The following GCNT1 variants were observed in gnomAD, a reference collection of about 807,000 sequenced individuals.
GCNT1 encodes the protein glucosaminyl (N-acetyl) transferase 1.
Under a neutral mutation model 26.2 loss-of-function variants are expected in GCNT1, and 16 were observed. That is an observed-to-expected ratio of 0.61 (90% confidence interval 0.41 to 0.93). GCNT1 has a LOEUF of 0.93. Ranked by LOEUF, GCNT1 falls within the 40% of genes least tolerant of loss-of-function variation. The pLI, the probability that GCNT1 is intolerant of heterozygous loss-of-function variation, is 0.00. For synonymous variants in GCNT1, 183 were observed against 190.8 expected (o/e 0.96, Z 0.34); for missense variants, 477 against 526.7 (o/e 0.91, Z 0.92).
intron 2 of GCNT1, among the ~76,000 whole-genome samples, chr9:76,495,199 C>T (rs1304138892): frequency 6.6e-6 from 1 of 152,162 alleles, no homozygotes; most frequent in African/African-American, 2.4e-5. Flanking sequence ...CTGGTGGATT[C>T]TTGGTCTCGC....
chr9:76,478,535 G>GT (rs1050522670), intron 2 of GCNT1, among the ~76,000 whole-genome samples: 27 of 152,306 alleles, frequency 1.8e-4, no homozygotes, highest in African/African-American at 6.3e-4. Context: ...TTCTTGGTGA[G>GT]TAAGACCCAG....
At chr9:76,497,701 C>T (rs1226626845) in intron 2 of GCNT1, among the ~76,000 whole-genome samples, 2 of 152,044 alleles carry the variant, frequency 1.3e-5, no homozygotes, top group African/African-American at 4.8e-5. Flanking sequence ...CGAGGTGACC[C>T]TTTCATGTAC....
intron 2 of GCNT1, among the ~76,000 whole-genome samples, chr9:76,486,129 G>A (rs570343186): frequency 4.1e-4 from 63 of 152,178 alleles, no homozygotes; most frequent in Non-Finnish European, 7.6e-4. Context: ...GCCATATGAC[G>A]TTCGAAGAGC....
At chr9:76,394,146 C>A in the GCNT1 span, 1 of 1,609,296 alleles carries the variant, frequency 6.2e-7, no homozygotes, top group Non-Finnish European at 8.5e-7. Context: ...CACTTGACCC[C>A]GGCAGAAGTA....
upstream of GCNT1, among the ~76,000 whole-genome samples, chr9:76,418,510 T>G (rs1390561670): frequency 6.6e-6 from 1 of 152,112 alleles, no homozygotes; most frequent in African/African-American, 2.4e-5. Flanking sequence ...GACGGTTGGT[T>G]GGTGGGCCTT....
chr9:76,424,444 G>C (rs1442434345), intron 1 of GCNT1, among the ~76,000 whole-genome samples: 1 of 152,164 alleles, frequency 6.6e-6, no homozygotes, highest in Non-Finnish European at 1.5e-5. Context: ...CACAGAGTAG[G>C]TAATGAATGA....
upstream of GCNT1, among the ~76,000 whole-genome samples, chr9:76,455,072 T>A (rs1005225111): frequency 6.6e-6 from 1 of 152,004 alleles, no homozygotes; most frequent in Non-Finnish European, 1.5e-5. Context: ...GGTCTCGAAC[T>A]CCTAACCTTG....
intron 1 of GCNT1, among the ~76,000 whole-genome samples, chr9:76,434,915 C>T (rs1203927718): frequency 6.6e-6 from 1 of 152,150 alleles, no homozygotes; most frequent in East Asian, 1.9e-4. Context: ...TACCCTCAGG[C>T]TTATTAGGGT....
the GCNT1 span, among the ~76,000 whole-genome samples, chr9:76,402,131 T>C: frequency 1.3e-5 from 2 of 152,212 alleles, no homozygotes; most frequent in African/African-American, 4.8e-5. Flanking sequence ...AAGGGCACCT[T>C]TGTCTTTGTA....
At chr9:76,410,335 G>A in the GCNT1 span, among the ~76,000 whole-genome samples, 3 of 152,172 alleles carry the variant, frequency 2.0e-5, no homozygotes, top group African/African-American at 7.2e-5. Flanking sequence ...TGGAGGCTGA[G>A]GCAGGAGAAT....
At chr9:76,440,093 C>T (rs1258969622), upstream of GCNT1, among the ~76,000 whole-genome samples, 1 of 148,894 alleles carries the variant, frequency 6.7e-6, no homozygotes, top group South Asian at 2.1e-4. Context: ...AGCGAAATTC[C>T]GTCGCAAAAA....
the GCNT1 span, chr9:76,399,403 T>C: frequency 2.0e-6 from 3 of 1,467,698 alleles, no homozygotes; most frequent in African/African-American, 4.1e-5. Context: ...CTGCTCCAGC[T>C]CCTGAGTTCA....
At chr9:76,471,228 G>A (rs900233233) in intron 2 of GCNT1, among the ~76,000 whole-genome samples, 2 of 152,150 alleles carry the variant, frequency 1.3e-5, no homozygotes, top group East Asian at 1.9e-4. Flanking sequence ...GTTTCACCAC[G>A]TTGGCCAGGG....
At chr9:76,481,161 G>A (rs975425439) in intron 2 of GCNT1, among the ~76,000 whole-genome samples, 1 of 152,086 alleles carries the variant, frequency 6.6e-6, no homozygotes, top group African/African-American at 2.4e-5. Flanking sequence ...AGCTGGGATT[G>A]TGCGACTGCA....
At chr9:76,443,823 G>A (rs1349737110) in intron 1 of GCNT1, among the ~76,000 whole-genome samples, 1 of 151,794 alleles carries the variant, frequency 6.6e-6, no homozygotes, top group African/African-American at 2.4e-5. Flanking sequence ...GGAGGTTTCA[G>A]TGAGCCACTG....
At chr9:76,399,109 A>C in the GCNT1 span, 1 of 1,576,778 alleles carries the variant, frequency 6.3e-7, no homozygotes, top group Non-Finnish European at 8.6e-7. Flanking sequence ...TCACGGAGGC[A>C]TCTTATGTTA....
At chr9:76,442,433 C>G (rs1351483487) in intron 1 of GCNT1, 1 of 152,178 alleles carries the variant, frequency 6.6e-6, no homozygotes, top group African/African-American at 2.4e-5. Context: ...GTAATCCAAG[C>G]ACTTTGGGAG....
At chr9:76,423,254 T>G (rs6560517) in intron 1 of GCNT1, among the ~76,000 whole-genome samples, 45,181 of 152,136 alleles carry the variant, frequency 0.3, 6,910 homozygotes, top group East Asian at 0.38. Context: ...ACTTAATCCC[T>G]AATGATGCAA....
the GCNT1 span, chr9:76,399,438 A>G: frequency 3.2e-6 from 5 of 1,539,514 alleles, no homozygotes; most frequent in Admixed American, 1.7e-5. Flanking sequence ...GAGGTTGCAG[A>G]CTGGTCTGAA....
Sources: allele counts gnomAD v4.1 joint callset (sites outside exome capture counted in the v4.1 genomes callset), GRCh38; gene constraint gnomAD v4.1.1; transcripts MANE v1.5; gene names NCBI Gene and HGNC (gene_info 2026-07-23, HGNC 2026-07-21).